SRBD1: variants seen among roughly 807,000 people sequenced by gnomAD.
SRBD1 encodes S1 RNA-binding domain-containing protein 1.
Under a neutral mutation model 115.3 loss-of-function variants are expected in SRBD1, and 88 were observed. The ratio of observed to expected loss-of-function variants is 0.76; its 90% CI spans 0.64 to 0.91. The LOEUF (loss-of-function observed/expected upper bound fraction) is 0.91. Ranked by LOEUF, SRBD1 falls within the 40% of genes least tolerant of loss-of-function variation. SRBD1 has a pLI of 0.00. For synonymous variants in SRBD1, 509 were observed against 407.7 expected (o/e 1.25, Z -2.99); for missense variants, 1,385 against 1,177.4 (o/e 1.18, Z -2.58).
intron 14 of SRBD1, among the ~76,000 whole-genome samples, chr2:45,490,105 C>T (rs1670248228): frequency 6.6e-6 from 1 of 152,094 alleles, no homozygotes; most frequent in Non-Finnish European, 1.5e-5. Flanking sequence ...ATAACATTTA[C>T]ATTACGCTTA....
chr2:45,529,730 G>A (rs550081866), intron 14 of SRBD1, among the ~76,000 whole-genome samples: 23 of 152,068 alleles, frequency 1.5e-4, no homozygotes, highest in Non-Finnish European at 1.5e-5. Context: ...ATAGGTATCT[G>A]GGTTCCTCTT....
chr2:45,463,313 G>A (rs1382497753), intron 16 of SRBD1, among the ~76,000 whole-genome samples: 1 of 152,124 alleles, frequency 6.6e-6, no homozygotes, highest in Non-Finnish European at 1.5e-5. Context: ...AATGCATACT[G>A]TCCCTATAAT....
At chr2:45,562,051 G>C (rs1390478440) in intron 10 of SRBD1, among the ~76,000 whole-genome samples, 2 of 152,116 alleles carry the variant, frequency 1.3e-5, no homozygotes, top group African/African-American at 2.4e-5. Context: ...AAATAGTACA[G>C]AAAAGTAATG....
At chr2:45,559,691 A>G (rs781639608) in intron 10 of SRBD1, among the ~76,000 whole-genome samples, 1 of 152,110 alleles carries the variant, frequency 6.6e-6, no homozygotes, top group Non-Finnish European at 1.5e-5. Flanking sequence ...AGTCATTCAC[A>G]TGTGCTTAAA....
chr2:45,542,838 A>G (rs1166403992), intron 14 of SRBD1, among the ~76,000 whole-genome samples: 2 of 152,222 alleles, frequency 1.3e-5, no homozygotes, highest in Non-Finnish European at 2.9e-5. Context: ...TAATTGTGAT[A>G]CAGCCAAACA....
intron 14 of SRBD1, among the ~76,000 whole-genome samples, chr2:45,541,187 G>A (rs1191036331): frequency 6.6e-6 from 1 of 152,222 alleles, no homozygotes; most frequent in African/African-American, 2.4e-5. Context: ...ATGCAAGGCT[G>A]TGGCTGGACC....
At chr2:45,408,942 G>T (rs981102231) in intron 19 of SRBD1, among the ~76,000 whole-genome samples, 3 of 152,296 alleles carry the variant, frequency 2.0e-5, no homozygotes, top group African/African-American at 7.2e-5. Context: ...AAAGATACTG[G>T]CCGGGTGCAG....
chr2:45,508,753 G>C (rs1670872064), intron 14 of SRBD1, among the ~76,000 whole-genome samples: 1 of 152,106 alleles, frequency 6.6e-6, no homozygotes, highest in Non-Finnish European at 1.5e-5. Flanking sequence ...AAATAGAATA[G>C]TGATATTTCT....
chr2:45,535,253 A>G (rs1275041984), intron 14 of SRBD1, among the ~76,000 whole-genome samples: 1 of 152,016 alleles, frequency 6.6e-6, no homozygotes, highest in Non-Finnish European at 1.5e-5. Context: ...CTTTGTCCAT[A>G]AGGGTATTAA....
rs546536149 is a variant in SRBD1, at chr2:45,597,510, C to G, written c.648+1939G>C. 1.2e-4 allele frequency among the ~76,000 whole-genome samples: 18 copies of G among 152,082 alleles called. No homozygotes were observed. The East Asian group carries it at 2.7e-3, about 23-fold the overall frequency. ...AACTAATGGCAAATAAACTAGGGAG[C>G]TGTCATTTTCTATCCTCTGTAAAGA... On this transcript the variant is annotated intron_variant, in intron 4 of 20. Coordinates refer to ENST00000263736, the MANE Select transcript of SRBD1 (RefSeq NM_018079.5).
chr2:45,472,443 A>T (rs1669677434), intron 16 of SRBD1, among the ~76,000 whole-genome samples: 1 of 152,220 alleles, frequency 6.6e-6, no homozygotes, highest in Non-Finnish European at 1.5e-5. Context: ...AATGAATTGT[A>T]TGATGTGCAA....
At chr2:45,556,541 C>A (rs1333300610) in intron 10 of SRBD1, among the ~76,000 whole-genome samples, 1 of 130,770 alleles carries the variant, frequency 7.6e-6, no homozygotes, top group Non-Finnish European at 1.5e-5. Context: ...TGGCTCATTG[C>A]AACCTCCACC....
intron 14 of SRBD1, among the ~76,000 whole-genome samples, chr2:45,521,414 C>T (rs1333378813): frequency 1.3e-5 from 2 of 151,914 alleles, no homozygotes; most frequent in African/African-American, 4.8e-5. Flanking sequence ...TGTTCAACAT[C>T]TTAGTCACTA....
At chr2:45,598,321 T>C (rs1441533679) in intron 4 of SRBD1, among the ~76,000 whole-genome samples, 4 of 152,006 alleles carry the variant, frequency 2.6e-5, no homozygotes, top group African/African-American at 9.7e-5. Context: ...TGATTAAAAA[T>C]TACCAGTGAC....
At chr2:45,416,253 T>C (rs972843735) in intron 18 of SRBD1, among the ~76,000 whole-genome samples, 3 of 132,080 alleles carry the variant, frequency 2.3e-5, no homozygotes, top group East Asian at 4.0e-4. Context: ...TTAAATGTCA[T>C]AGAAAGTATA....
At chr2:45,440,123 T>C (rs1192192101) in intron 16 of SRBD1, among the ~76,000 whole-genome samples, 2 of 152,178 alleles carry the variant, frequency 1.3e-5, no homozygotes, top group Non-Finnish European at 2.9e-5. Context: ...TAGCTGCTTG[T>C]TTGGTTCTCA....
At chr2:45,452,874 G>A (rs1669036546) in intron 16 of SRBD1, among the ~76,000 whole-genome samples, 1 of 151,986 alleles carries the variant, frequency 6.6e-6, no homozygotes, top group Non-Finnish European at 1.5e-5. Context: ...AATGGTTAAT[G>A]TGGAATAAAC....
intron 14 of SRBD1, among the ~76,000 whole-genome samples, chr2:45,522,672 T>TC (rs1386068261): frequency 6.6e-6 from 1 of 152,216 alleles, no homozygotes; most frequent in African/African-American, 2.4e-5. Flanking sequence ...TCTTCCTTTT[T>TC]CTCTTCAGCC....
intron 9 of SRBD1, among the ~76,000 whole-genome samples, chr2:45,565,103 T>A (rs536049682): frequency 6.6e-6 from 1 of 152,206 alleles, no homozygotes; most frequent in Non-Finnish European, 1.5e-5. Context: ...CAAATCCCAA[T>A]TGGCATGTTT....
Sources: allele counts gnomAD v4.1 joint callset (sites outside exome capture counted in the v4.1 genomes callset), GRCh38; gene constraint gnomAD v4.1.1; transcripts MANE v1.5; gene names NCBI Gene and HGNC (gene_info 2026-07-23, HGNC 2026-07-21).